Variants in SH3BP5 observed in about 807,000 individuals in gnomAD.
SH3BP5 encodes the protein SH3 domain binding protein 5, also known as SH3 domain-binding protein 5.
A neutral mutation model predicts 43.3 loss-of-function variants in SH3BP5; 22 were observed. That is an observed-to-expected ratio of 0.51 (90% confidence interval 0.36 to 0.73). The LOEUF (loss-of-function observed/expected upper bound fraction) is 0.73. Among genes scored for constraint, SH3BP5 ranks in the 30% least tolerant of loss-of-function variants. The probability of loss-of-function intolerance (pLI) is 0.00; values close to 1 mark genes in which losing one functional copy is unlikely to be tolerated. For missense variants in SH3BP5, 529 were observed against 586.9 expected (o/e 0.90, Z 1.02); for synonymous variants, 255 against 225.8 (o/e 1.13, Z -1.16).
At chr3:15,306,395 G>A (rs947433251) in intron 2 of SH3BP5, among the ~76,000 whole-genome samples, 24 of 152,120 alleles carry the variant, frequency 1.6e-4, no homozygotes, top group Admixed American at 7.9e-4. Flanking sequence ...GCATGGTGCC[G>A]TGTGCCTATG....
At chr3:15,334,580 A>AC (rs1698679231), upstream of SH3BP5, among the ~76,000 whole-genome samples, 1 of 151,810 alleles carries the variant, frequency 6.6e-6, no homozygotes, top group South Asian at 2.1e-4. Flanking sequence ...AAAAAAAAAA[A>AC]ATACAGTATA....
At chr3:15,335,064 G>C (rs1197499396), upstream of SH3BP5, among the ~76,000 whole-genome samples, 1 of 151,942 alleles carries the variant, frequency 6.6e-6, no homozygotes, top group East Asian at 1.9e-4. Context: ...ATCGCTTGAG[G>C]CCAGGCGTTT....
At chr3:15,316,465 C>T (rs1052524212) in intron 2 of SH3BP5, among the ~76,000 whole-genome samples, 8 of 151,932 alleles carry the variant, frequency 5.3e-5, no homozygotes, top group Admixed American at 3.3e-4. Flanking sequence ...CCTCGTGATC[C>T]GCTGGCCTCG....
At chr3:15,291,916 T>C (rs1025064621) in intron 3 of SH3BP5, among the ~76,000 whole-genome samples, 1 of 151,588 alleles carries the variant, frequency 6.6e-6, no homozygotes, top group African/African-American at 2.4e-5. Flanking sequence ...GGGGAAGAAG[T>C]AGAAAAGAAA....
intron 3 of SH3BP5, among the ~76,000 whole-genome samples, chr3:15,298,511 T>C (rs879303632): frequency 5.3e-5 from 8 of 152,212 alleles, no homozygotes; most frequent in Admixed American, 4.6e-4. Flanking sequence ...CCCATCAAGT[T>C]TGCAAAGTGC....
At chr3:15,314,540 A>G (rs2729681) in intron 2 of SH3BP5, among the ~76,000 whole-genome samples, 123,963 of 152,110 alleles carry the variant, frequency 0.81, 50,867 homozygotes, top group African/African-American at 0.9. Flanking sequence ...CAGAAAGGCC[A>G]AGGCAGGAGG....
chr3:15,270,000 C>T, intron 3 of SH3BP5, 123 bp from the exon 4 acceptor site: 14 of 811,506 alleles, frequency 1.7e-5, no homozygotes, highest in Non-Finnish European at 2.4e-5. Context: ...CTCTTCACTC[C>T]TGGCACCCAC....
rs1696190785 is a variant in SH3BP5, at chr3:15,256,219, C to G, written c.1235G>C (p.Gly412Ala). The change falls in exon 9 of 9, where the codon GGC (glycine) becomes GCC (alanine). Residue 412 changes from glycine (G) to alanine (A), a missense_variant. Coordinates refer to ENST00000383791, the MANE Select transcript of SH3BP5 (RefSeq NM_004844.5). Reference protein sequence around the residue: ...RGLSSSSGSGGSSKSQSSTSP... With the variant: ...RGLSSSSGSGASSKSQSSTSP... ...GGTGCTGCTTTGGCTCTTACTGCTGCCACCACTGCCACTGCTACTGCTGAG... is the reference window on the plus strand; with the variant it reads ...GGTGCTGCTTTGGCTCTTACTGCTGGCACCACTGCCACTGCTACTGCTGAG... 2 of 1,613,954 alleles carry G rather than the reference C, an allele frequency of 1.2e-6. No homozygotes were observed. Among genetic ancestry groups the G allele is most frequent in the African/African-American group, 1.3e-5 (1 of 74,806 alleles).
At chr3:15,295,303 C>A (rs1257775932) in intron 3 of SH3BP5, among the ~76,000 whole-genome samples, 1 of 152,136 alleles carries the variant, frequency 6.6e-6, no homozygotes, top group East Asian at 1.9e-4. Context: ...TTCTTGGGGC[C>A]ATCCATCGAC....
At chr3:15,259,732 T>A (rs1371068875) in intron 6 of SH3BP5, 29 bp downstream of exon 6, 1 of 1,611,408 alleles carries the variant, frequency 6.2e-7, no homozygotes, top group East Asian at 2.2e-5. Context: ...AAAAATCTCA[T>A]CAGTGACGAA....
intron 2 of SH3BP5, among the ~76,000 whole-genome samples, chr3:15,306,139 G>A (rs190751766): frequency 0.036 from 5,545 of 151,988 alleles, 153 homozygotes; most frequent in South Asian, 0.094. Flanking sequence ...GGTGGATCAT[G>A]AGGTCAGGAG....
At chr3:15,294,325 G>GTGTGTGTGTGTGTA (rs561289765) in intron 3 of SH3BP5, among the ~76,000 whole-genome samples, 6 of 142,930 alleles carry the variant, frequency 4.2e-5, no homozygotes, top group African/African-American at 1.7e-4. Context: ...GTGTGTGTGT[G>GTGTGTGTGTGTGTA]TGTGTGCGCG....
intron 3 of SH3BP5, among the ~76,000 whole-genome samples, chr3:15,281,861 G>A (rs1231758070): frequency 2.0e-5 from 3 of 152,092 alleles, no homozygotes; most frequent in Non-Finnish European, 2.9e-5. Context: ...AAAATTAGCC[G>A]GGCGCGGTGG....
chr3:15,265,731 G>A (rs1045492863), intron 4 of SH3BP5, among the ~76,000 whole-genome samples: 15 of 151,918 alleles, frequency 9.9e-5, no homozygotes, highest in African/African-American at 3.4e-4. Flanking sequence ...AGGTGTGGTG[G>A]GATAAGTAAG....
chr3:15,308,432 G>A (rs1356011953), intron 2 of SH3BP5, among the ~76,000 whole-genome samples: 1 of 152,190 alleles, frequency 6.6e-6, no homozygotes, highest in Non-Finnish European at 1.5e-5. Context: ...AAATGGCAGA[G>A]TGAACAATTA....
At chr3:15,257,250 T>C (rs982568596) in intron 7 of SH3BP5, 137 bp from the exon 8 acceptor site, 4 of 874,052 alleles carry the variant, frequency 4.6e-6, no homozygotes, top group Non-Finnish European at 7.0e-6. Flanking sequence ...AATGAAGGAA[T>C]GTGACTTCCC....
Position 15,256,032 on chromosome 3 carries a change from C to G in SH3BP5, c.*54G>C. ...ATTAAATGATTATTGGCACAATGTT[C>G]TCCAGTTCCATGTATAAATGTTGAT... On this transcript the variant is annotated 3_prime_UTR_variant, in exon 9 of 9. Coordinates refer to ENST00000383791, the MANE Select transcript of SH3BP5 (RefSeq NM_004844.5). 7 of 1,368,998 alleles carry G rather than the reference C, an allele frequency of 5.1e-6. No individual in the cohort carries two copies. Among genetic ancestry groups the G allele is most frequent in the Non-Finnish European group, 7.2e-6 (7 of 971,168 alleles). 84.8% of individuals were successfully genotyped at this position (1,368,998 alleles called of 1,614,324 possible).
chr3:15,259,545 A>T (rs9817868), intron 6 of SH3BP5: 15,357 of 638,888 alleles, frequency 0.024, 378 homozygotes, highest in East Asian at 0.076. Context: ...CCACTGGCCT[A>T]GTACAACAGA....
intron 3 of SH3BP5, among the ~76,000 whole-genome samples, chr3:15,300,571 C>T (rs1697710845): frequency 6.6e-6 from 1 of 152,114 alleles, no homozygotes; most frequent in South Asian, 2.1e-4. Context: ...GACATCGCCC[C>T]CCTCACCATC....
Sources: gnomAD v4.1 joint callset for allele counts (sites outside exome capture counted in the v4.1 genomes callset) on GRCh38, gnomAD v4.1.1 for gene constraint, MANE v1.5 for transcripts, NCBI Gene and HGNC (gene_info 2026-07-23, HGNC 2026-07-21) for gene names.